RGS6: variants seen among roughly 807,000 people sequenced by gnomAD.
RGS6 encodes regulator of G protein signaling 6.
A neutral mutation model predicts 78.5 loss-of-function variants in RGS6; 30 were observed. The ratio of observed to expected loss-of-function variants is 0.38; its 90% CI spans 0.29 to 0.52. The LOEUF (loss-of-function observed/expected upper bound fraction) is 0.52, where lower values mean the gene tolerates loss of function less well. Ranked by LOEUF, RGS6 falls within the 20% of genes least tolerant of loss-of-function variation. The pLI is 0.85. For missense variants in RGS6, 495 were observed against 609.7 expected (o/e 0.81, Z 1.98); for synonymous variants, 206 against 206.0 (o/e 1.00, Z 0.00).
At chr14:71,893,437 T>G in the RGS6 span, among the ~76,000 whole-genome samples, 1 of 152,208 alleles carries the variant, frequency 6.6e-6, no homozygotes, top group East Asian at 1.9e-4. Flanking sequence ...GTGACCCTGC[T>G]TTGGCTTGGT....
At chr14:72,398,826 C>G (rs536614825) in intron 3 of RGS6, among the ~76,000 whole-genome samples, 64 of 152,208 alleles carry the variant, frequency 4.2e-4, no homozygotes, top group Non-Finnish European at 8.1e-4. Context: ...AGCCATTCAG[C>G]AGCAGGTTGT....
chr14:72,502,186 TG>T (rs1166959977), intron 13 of RGS6, among the ~76,000 whole-genome samples: 2 of 152,222 alleles, frequency 1.3e-5, no homozygotes, highest in Non-Finnish European at 2.9e-5. Flanking sequence ...CTGCCATGCT[TG>T]GAGAAGCCCA....
intron 15 of RGS6, among the ~76,000 whole-genome samples, chr14:72,531,001 A>G (rs958933530): frequency 2.6e-5 from 4 of 152,184 alleles, no homozygotes; most frequent in African/African-American, 7.2e-5. Flanking sequence ...ATAAACACAT[A>G]CTGTTCCTCA....
intron 15 of RGS6, among the ~76,000 whole-genome samples, chr14:72,532,486 C>T (rs1371544600): frequency 6.6e-6 from 1 of 152,222 alleles, no homozygotes; most frequent in East Asian, 1.9e-4. Flanking sequence ...GCAAAAGGAA[C>T]AGTCGCATGT....
At chr14:72,623,812 C>T in the RGS6 span, among the ~76,000 whole-genome samples, 2 of 152,132 alleles carry the variant, frequency 1.3e-5, no homozygotes, top group Admixed American at 6.5e-5. Context: ...ACCTCTAGCA[C>T]CCATATTATG....
At position 72,465,550 on chromosome 14, in the gene RGS6, C is replaced by CTGGATGGA. The variant is rs563552344; in HGVS notation, c.395-164_395-157dup. On this transcript the variant is annotated intron_variant, in intron 6 of 17. Transcript: ENST00000553525. Reference sequence around the variant, plus strand: ...TAGCAAGGGTGGGTGGGCGGGCTGTCTGGATGGATGGATGGATGGATGGAT... The same window carrying CTGGATGGA: ...TAGCAAGGGTGGGTGGGCGGGCTGTCTGGATGGATGGATGGATGGATGGATGGATGGAT... Among the ~76,000 whole-genome samples the CTGGATGGA allele has an allele frequency of 0.031, 3,446 of 110,312 alleles. 131 individuals are homozygous for CTGGATGGA. Among genetic ancestry groups the CTGGATGGA allele is most frequent in the Middle Eastern group, 0.048 (9 of 188 alleles). The allele number at this position is 110,312 out of a possible 152,430, so 72.4% of individuals were successfully genotyped here.
intron 2 of RGS6, among the ~76,000 whole-genome samples, chr14:72,056,277 C>T (rs988661163): frequency 6.6e-6 from 1 of 152,190 alleles, no homozygotes; most frequent in African/African-American, 2.4e-5. Context: ...AAGCTCTCAG[C>T]CCTGCTCATA....
chr14:72,161,135 G>A (rs149675), intron 2 of RGS6, among the ~76,000 whole-genome samples: 103,617 of 151,980 alleles, frequency 0.68, 35,466 homozygotes, highest in African/African-American at 0.73. Flanking sequence ...GCAAACTAAC[G>A]CGAGAACAGA....
intron 3 of RGS6, among the ~76,000 whole-genome samples, chr14:72,377,364 T>C (rs962170321): frequency 5.3e-5 from 8 of 152,060 alleles, no homozygotes; most frequent in African/African-American, 1.7e-4. Context: ...TGTAAACATA[T>C]ACACTTAACA....
chr14:72,216,315 T>A (rs2045553689), intron 2 of RGS6, among the ~76,000 whole-genome samples: 1 of 152,200 alleles, frequency 6.6e-6, no homozygotes, highest in Non-Finnish European at 1.5e-5. Flanking sequence ...ATTTTAGCTA[T>A]TGGATTATGC....
At chr14:72,226,306 T>C (rs1377651213) in intron 2 of RGS6, among the ~76,000 whole-genome samples, 1 of 152,246 alleles carries the variant, frequency 6.6e-6, no homozygotes, top group Non-Finnish European at 1.5e-5. Flanking sequence ...AGCATTTTAA[T>C]TGGTATGTTC....
the RGS6 span, among the ~76,000 whole-genome samples, chr14:71,924,451 A>G: frequency 1.3e-5 from 2 of 152,298 alleles, no homozygotes; most frequent in South Asian, 2.1e-4. Flanking sequence ...ACAAGACAAT[A>G]TTATAAGCTA....
chr14:72,197,761 A>G (rs1315806710), intron 2 of RGS6, among the ~76,000 whole-genome samples: 1 of 152,002 alleles, frequency 6.6e-6, no homozygotes, highest in Non-Finnish European at 1.5e-5. Context: ...AACTCAAGGC[A>G]TGTGGTCCCC....
At chr14:72,494,821 C>G (rs915089526) in intron 12 of RGS6, among the ~76,000 whole-genome samples, 1 of 152,044 alleles carries the variant, frequency 6.6e-6, no homozygotes, top group Non-Finnish European at 1.5e-5. Flanking sequence ...GAGGGTGGAA[C>G]ACAAACAGTT....
At chr14:72,390,592 C>A (rs994127289) in intron 3 of RGS6, among the ~76,000 whole-genome samples, 1 of 152,148 alleles carries the variant, frequency 6.6e-6, no homozygotes, top group Admixed American at 6.5e-5. Flanking sequence ...TTCACACACA[C>A]ACACACAAAT....
Position 72,175,237 on chromosome 14 carries a change from C to T in RGS6, c.85-176858C>T, listed in dbSNP as rs2097090094. Among the ~76,000 whole-genome samples, 3 of 152,070 alleles carry T rather than the reference C, an allele frequency of 2.0e-5. No individual in the cohort carries two copies. In the South Asian group the frequency reaches 6.2e-4, roughly 32 times the overall value. On this transcript the variant is annotated intron_variant, in intron 2 of 17. Transcript: ENST00000553525. ...TTCTCTCCTGTTTGTCGTTTGCATA[C>T]CATGTACCTGGAACTCTTATGTTCT...
chr14:72,073,452 A>G (rs2094473848), intron 2 of RGS6, among the ~76,000 whole-genome samples: 1 of 152,208 alleles, frequency 6.6e-6, no homozygotes, highest in South Asian at 2.1e-4. Flanking sequence ...AGAAAGATTA[A>G]TTCAATCATT....
intron 2 of RGS6, among the ~76,000 whole-genome samples, chr14:72,083,199 A>G (rs2094894725): frequency 6.6e-6 from 1 of 152,250 alleles, no homozygotes; most frequent in Non-Finnish European, 1.5e-5. Context: ...AAGAAAGAAT[A>G]GAATTCACGG....
chr14:71,967,306 C>T (rs2093582758), intron 2 of RGS6, among the ~76,000 whole-genome samples: 1 of 151,992 alleles, frequency 6.6e-6, no homozygotes, highest in South Asian at 2.1e-4. Context: ...AGTGTGAGCT[C>T]AGGTCCTGAC....
Sources: allele counts gnomAD v4.1 joint callset (sites outside exome capture counted in the v4.1 genomes callset), GRCh38; gene constraint gnomAD v4.1.1; transcripts MANE v1.5; gene names NCBI Gene and HGNC (gene_info 2026-07-23, HGNC 2026-07-21).